Variants in NTN1 observed in about 807,000 individuals in gnomAD.
NTN1 encodes the protein netrin-1.
Under a neutral mutation model 54.2 loss-of-function variants are expected in NTN1, and 11 were observed. The observed-to-expected ratio is 0.20, with a 90% CI of 0.13 to 0.34. NTN1 has a LOEUF of 0.34. Among genes scored for constraint, NTN1 ranks in the 10% least tolerant of loss-of-function variants. NTN1 has a pLI of 1.00. For synonymous variants in NTN1, 371 were observed against 382.0 expected (o/e 0.97, Z 0.33); for missense variants, 740 against 893.1 (o/e 0.83, Z 2.18).
chr17:9,020,756 G>A (rs774863526), upstream of NTN1, among the ~76,000 whole-genome samples: 1 of 152,222 alleles, frequency 6.6e-6, no homozygotes, highest in Non-Finnish European at 1.5e-5. Flanking sequence ...CTGAGACCAG[G>A]CAGGCCCGTC....
chr17:9,049,750 A>G (rs889861767), intron 2 of NTN1, among the ~76,000 whole-genome samples: 1 of 152,188 alleles, frequency 6.6e-6, no homozygotes, highest in Admixed American at 6.6e-5. Flanking sequence ...AGACAAAGAC[A>G]TGTGCGGGAC....
intron 2 of NTN1, among the ~76,000 whole-genome samples, chr17:9,155,788 T>C (rs2092340162): frequency 6.6e-6 from 1 of 152,176 alleles, no homozygotes; most frequent in African/African-American, 2.4e-5. Flanking sequence ...TATGGACATT[T>C]GGCAGGCTCT....
At chr17:9,082,232 T>G (rs1302006100) in intron 2 of NTN1, among the ~76,000 whole-genome samples, 1 of 152,138 alleles carries the variant, frequency 6.6e-6, no homozygotes, top group Non-Finnish European at 1.5e-5. Context: ...GCTAATTTTT[T>G]GTATTTTTAA....
In NTN1 at chr17:9,079,562, G is replaced by A. The variant is rs561150179; in HGVS notation, c.1018+56171G>A. On this transcript the variant is annotated intron_variant, in intron 2 of 6. Transcript: ENST00000173229. ...AGCGGACCTATTTTCTGGCCCTTGA[G>A]GAAGTGGTTCCCCAGAGGAAGTGGT... Among the ~76,000 whole-genome samples, 5 of 152,332 alleles carry A rather than the reference G, an allele frequency of 3.3e-5. No homozygotes were observed. In the East Asian group the frequency reaches 5.8e-4, roughly 18 times the overall value.
intron 2 of NTN1, among the ~76,000 whole-genome samples, chr17:9,150,883 A>C (rs2142288603): frequency 6.6e-6 from 1 of 152,240 alleles, no homozygotes; most frequent in Middle Eastern, 3.4e-3. Context: ...GGTGCCCGGC[A>C]CAGCGGGAGA....
At chr17:9,053,067 G>A (rs1240845301) in intron 2 of NTN1, among the ~76,000 whole-genome samples, 6 of 152,232 alleles carry the variant, frequency 3.9e-5, no homozygotes, top group Non-Finnish European at 7.3e-5. Flanking sequence ...TTGGCAAACT[G>A]TAGCCCGTGG....
chr17:9,228,884 A>G (rs929320368), intron 6 of NTN1, among the ~76,000 whole-genome samples: 4 of 121,296 alleles, frequency 3.3e-5, no homozygotes, highest in African/African-American at 1.4e-4. Context: ...GTGTGTGACT[A>G]CGCATGTGTG....
intron 2 of NTN1, among the ~76,000 whole-genome samples, chr17:9,122,813 A>C (rs2092235573): frequency 6.6e-6 from 1 of 152,178 alleles, no homozygotes; most frequent in Admixed American, 6.5e-5. Context: ...ATGCAGTCAT[A>C]CTTCTTTTTA....
At chr17:9,051,525 T>C (rs2142199276) in intron 2 of NTN1, among the ~76,000 whole-genome samples, 1 of 152,356 alleles carries the variant, frequency 6.6e-6, no homozygotes, top group Middle Eastern at 3.4e-3. Flanking sequence ...CTAGTTTTCT[T>C]AATGGATTAT....
chr17:9,032,789 C>T (rs1023477360), intron 2 of NTN1, among the ~76,000 whole-genome samples: 1 of 152,126 alleles, frequency 6.6e-6, no homozygotes, highest in Non-Finnish European at 1.5e-5. Flanking sequence ...CGAAGCCAGA[C>T]CTCAGAGGTG....
intron 2 of NTN1, among the ~76,000 whole-genome samples, chr17:9,137,780 C>T (rs2092285470): frequency 6.6e-6 from 1 of 150,750 alleles, no homozygotes; most frequent in Non-Finnish European, 1.5e-5. Flanking sequence ...GGTGACAGAG[C>T]AAGACTCCAT....
chr17:9,098,141 T>C (rs1378714533), intron 2 of NTN1, among the ~76,000 whole-genome samples: 1 of 152,220 alleles, frequency 6.6e-6, no homozygotes, highest in African/African-American at 2.4e-5. Flanking sequence ...TCACCTGGCA[T>C]CGTTTACTTC....
intron 2 of NTN1, among the ~76,000 whole-genome samples, chr17:9,106,480 CCTTCCTTCCTT>C (rs2092166936): frequency 7.5e-5 from 2 of 26,612 alleles, no homozygotes; most frequent in African/African-American, 3.2e-4. Flanking sequence ...TTCCTTCCTT[CCTTCCTTCCTT>C]CCTTCCTTCC....
chr17:9,122,038 A>AT lies in NTN1; in HGVS notation c.1019-40758dup, dbSNP rs36009443. ...TCTAGGGAGTTCGTTTCTGAGTTAC[A>AT]TTTTTTTTTTTTTTTTTGAGACGGA... On this transcript the variant is annotated intron_variant, in intron 2 of 6. Transcript: ENST00000173229. Among the ~76,000 whole-genome samples, 1,110 of 138,578 alleles carry AT rather than the reference A, an allele frequency of 8.0e-3. 17 individuals carry two copies. The highest frequency in any genetic ancestry group is 0.024 in the African/African-American group (909 of 37,674). The allele number at this position is 138,578 out of a possible 152,430, so 90.9% of individuals were successfully genotyped here.
chr17:9,055,123 G>A (rs774051645), intron 2 of NTN1, among the ~76,000 whole-genome samples: 101 of 152,218 alleles, frequency 6.6e-4, no homozygotes, highest in Non-Finnish European at 1.1e-3. Context: ...TTGATCTGAG[G>A]ACTGCTGTGT....
intron 2 of NTN1, among the ~76,000 whole-genome samples, chr17:9,058,863 G>A (rs960242728): frequency 2.0e-5 from 3 of 152,030 alleles, no homozygotes; most frequent in African/African-American, 7.2e-5. Context: ...GAGAGAGGCA[G>A]ACAGTAGAGT....
intron 2 of NTN1, among the ~76,000 whole-genome samples, chr17:9,042,515 G>T (rs1398387540): frequency 7.1e-6 from 1 of 139,946 alleles, no homozygotes; most frequent in Non-Finnish European, 1.6e-5. Context: ...TGAGGCTGGC[G>T]CGGTGGCTCA....
chr17:9,226,887 C>A (rs1210931435), intron 6 of NTN1, among the ~76,000 whole-genome samples: 1 of 151,978 alleles, frequency 6.6e-6, no homozygotes, highest in Non-Finnish European at 1.5e-5. Flanking sequence ...TGCGGTCACA[C>A]AGCACACACC....
chr17:9,188,652 G>T (rs1431694136), intron 5 of NTN1, among the ~76,000 whole-genome samples: 1 of 152,068 alleles, frequency 6.6e-6, no homozygotes, highest in South Asian at 2.1e-4. Flanking sequence ...AGGGGATGGC[G>T]GAAGTCGTCT....
Sources: gnomAD v4.1 joint callset for allele counts (sites outside exome capture counted in the v4.1 genomes callset) on GRCh38, gnomAD v4.1.1 for gene constraint, MANE v1.5 for transcripts, NCBI Gene and HGNC (gene_info 2026-07-23, HGNC 2026-07-21) for gene names.